ACYP2: variants seen among roughly 807,000 people sequenced by gnomAD.
ACYP2 encodes acylphosphatase-2.
Under a neutral mutation model 11.2 loss-of-function variants are expected in ACYP2, and 12 were observed. That is an observed-to-expected ratio of 1.08 (90% confidence interval 0.69 to 1.74). ACYP2 has a LOEUF of 1.74. ACYP2 is among the 40% of genes most tolerant of loss of function. ACYP2 has a pLI of 0.00. For missense variants in ACYP2, 134 were observed against 101.9 expected, an observed-to-expected ratio of 1.31 and a Z score of -1.35; for synonymous variants, 43 against 32.2, an observed-to-expected ratio of 1.33 and a Z score of -1.13.
Position 53,994,491 on chromosome 2 carries a change from C to G in ACYP2, c.62+20681C>G, listed in dbSNP as rs974833910. On this transcript the variant is annotated intron_variant, in intron 2 of 6. Coordinates refer to ENST00000607452, the MANE Select transcript of ACYP2 (RefSeq NM_001320586.2). ...CCAAGATTGCACCACTGCCCTCCAG[C>G]CTGGGTGACAGAGTAAGACTCAGAA... Among the ~76,000 whole-genome samples, 36 of 144,348 alleles carry G rather than the reference C, an allele frequency of 2.5e-4. 1 individual carries two copies. The highest frequency in any genetic ancestry group is 2.3e-3 in the Admixed American group (32 of 14,078). 94.7% of individuals were successfully genotyped at this position (144,348 alleles called of 152,430 possible).
intron 6 of ACYP2, among the ~76,000 whole-genome samples, chr2:54,262,809 T>A (rs148405562): frequency 0.011 from 1,721 of 152,336 alleles, 32 homozygotes; most frequent in African/African-American, 0.04. Flanking sequence ...CATCTTTAAT[T>A]TATCCTGTTT....
intron 2 of ACYP2, among the ~76,000 whole-genome samples, chr2:54,027,581 T>C (rs1674355065): frequency 6.6e-6 from 1 of 152,188 alleles, no homozygotes; most frequent in Non-Finnish European, 1.5e-5. Flanking sequence ...AATAATTTTG[T>C]TATGCTTTTC....
chr2:54,037,254 A>C (rs572230523), intron 2 of ACYP2, among the ~76,000 whole-genome samples: 87 of 152,116 alleles, frequency 5.7e-4, no homozygotes, highest in Middle Eastern at 3.4e-3. Context: ...CTGGGATTAC[A>C]GGCGCCCACC....
intron 4 of ACYP2, among the ~76,000 whole-genome samples, chr2:54,069,505 A>C (rs1414022383): frequency 6.6e-6 from 1 of 152,026 alleles, no homozygotes; most frequent in Non-Finnish European, 1.5e-5. Context: ...TACTAAAAAT[A>C]CAAAAAATTA....
At chr2:54,014,145 C>CA (rs1426586875) in intron 2 of ACYP2, among the ~76,000 whole-genome samples, 4 of 148,182 alleles carry the variant, frequency 2.7e-5, no homozygotes, top group African/African-American at 1.0e-4. Flanking sequence ...CAGACAAGAG[C>CA]AAAAAAACTC....
At chr2:53,974,908 G>A (rs573585296) in intron 2 of ACYP2, among the ~76,000 whole-genome samples, 2 of 141,142 alleles carry the variant, frequency 1.4e-5, no homozygotes, top group African/African-American at 2.5e-5. Flanking sequence ...TAATAGGGAA[G>A]GAGAAGAGAG....
intron 4 of ACYP2, chr2:54,115,727 T>C: frequency 6.2e-7 from 1 of 1,612,932 alleles, no homozygotes; most frequent in Non-Finnish European, 8.5e-7. Context: ...CTCAAATCCG[T>C]GGACTACGAG....
intron 6 of ACYP2, among the ~76,000 whole-genome samples, chr2:54,185,826 G>A (rs1169272298): frequency 1.3e-5 from 2 of 152,038 alleles, no homozygotes; most frequent in African/African-American, 4.8e-5. Context: ...AGTTAGTGAG[G>A]GCCTAATAAG....
chr2:54,243,883 A>G (rs1040710768), intron 6 of ACYP2, among the ~76,000 whole-genome samples: 1 of 150,584 alleles, frequency 6.6e-6, no homozygotes, highest in Non-Finnish European at 1.5e-5. Flanking sequence ...TGATGGAAAC[A>G]CTGTTATGCT....
chr2:54,197,265 T>C (rs1684529907), intron 6 of ACYP2, among the ~76,000 whole-genome samples: 1 of 152,174 alleles, frequency 6.6e-6, no homozygotes, highest in Non-Finnish European at 1.5e-5. Context: ...CCCAGGGCAC[T>C]GTATATCTGA....
At chr2:54,230,261 C>A (rs942196947) in intron 6 of ACYP2, among the ~76,000 whole-genome samples, 5 of 152,130 alleles carry the variant, frequency 3.3e-5, no homozygotes, top group African/African-American at 1.2e-4. Context: ...CCAAAAGAAA[C>A]AATTTACAAC....
At chr2:54,157,512 G>A (rs1178344729) in intron 6 of ACYP2, among the ~76,000 whole-genome samples, 6 of 152,170 alleles carry the variant, frequency 3.9e-5, no homozygotes, top group Non-Finnish European at 7.3e-5. Context: ...TCTCGTTGCA[G>A]TGAGTATCCT....
intron 6 of ACYP2, among the ~76,000 whole-genome samples, chr2:54,211,184 A>C (rs1388418772): frequency 6.6e-6 from 1 of 152,078 alleles, no homozygotes; most frequent in Non-Finnish European, 1.5e-5. Context: ...TTAAAACAGA[A>C]ATATTTTTTA....
intron 6 of ACYP2, among the ~76,000 whole-genome samples, chr2:54,304,216 G>A (rs1439233418): frequency 9.7e-5 from 4 of 41,316 alleles, no homozygotes; most frequent in African/African-American, 4.7e-4. Flanking sequence ...TTATATATAT[G>A]TCTGTGTGTG....
At chr2:54,264,928 A>C (rs1255495527) in intron 6 of ACYP2, among the ~76,000 whole-genome samples, 3 of 152,234 alleles carry the variant, frequency 2.0e-5, no homozygotes, top group African/African-American at 4.8e-5. Flanking sequence ...AGTATTTAGA[A>C]GTCAAGTGTT....
chr2:54,235,277 G>C (rs1007704414), intron 6 of ACYP2, among the ~76,000 whole-genome samples: 1 of 137,494 alleles, frequency 7.3e-6, no homozygotes, highest in African/African-American at 2.7e-5. Flanking sequence ...ATATAAGACA[G>C]GTTTTTTTTT....
chr2:54,231,774 G>GT (rs1189601544), intron 6 of ACYP2, among the ~76,000 whole-genome samples: 3 of 152,208 alleles, frequency 2.0e-5, no homozygotes, highest in Non-Finnish European at 4.4e-5. Flanking sequence ...TGCTTTTGAT[G>GT]TAAGAGTCCA....
chr2:54,201,636 C>CTTTCTTTCTCTCTCTTTCTTTCTT, intron 6 of ACYP2, among the ~76,000 whole-genome samples: 1 of 93,698 alleles, frequency 1.1e-5, no homozygotes, highest in Admixed American at 1.1e-4. Flanking sequence ...TTCTTTCTTT[C>CTTTCTTTCTCTCTCTTTCTTTCTT]TCTTTCTTTC....
At chr2:54,058,636 A>G (rs1237391965) in intron 4 of ACYP2, among the ~76,000 whole-genome samples, 1 of 152,212 alleles carries the variant, frequency 6.6e-6, no homozygotes, top group Non-Finnish European at 1.5e-5. Context: ...AAGAGGAAAG[A>G]AACACAAAAT....
Sources: allele counts gnomAD v4.1 joint callset (sites outside exome capture counted in the v4.1 genomes callset), GRCh38; gene constraint gnomAD v4.1.1; transcripts MANE v1.5; gene names NCBI Gene and HGNC (gene_info 2026-07-23, HGNC 2026-07-21).